Variants in PPM1K observed in about 807,000 individuals in gnomAD.
The protein encoded by PPM1K is protein phosphatase Mn(2+)-dependent 1K.
PPM1K carries 19 observed loss-of-function variants against 32.6 expected under a neutral mutation model. The observed-to-expected ratio is 0.58, with a 90% CI of 0.41 to 0.86. The LOEUF (loss-of-function observed/expected upper bound fraction) is 0.86, where lower values mean the gene tolerates loss of function less well. PPM1K is among the 40% of genes least tolerant of loss of function. The pLI, the probability that PPM1K is intolerant of heterozygous loss-of-function variation, is 0.00. For missense variants in PPM1K, 362 were observed against 461.2 expected, an observed-to-expected ratio of 0.78 and a Z score of 1.97; for synonymous variants, 159 against 165.3, an observed-to-expected ratio of 0.96 and a Z score of 0.29.
intron 5 of PPM1K, among the ~76,000 whole-genome samples, chr4:88,265,988 C>T (rs770298003): frequency 4.6e-5 from 7 of 152,108 alleles, no homozygotes; most frequent in Non-Finnish European, 8.8e-5. Context: ...CCTCTGTATG[C>T]TTTAGATTTT....
chr4:88,262,751 A>G, intron 6 of PPM1K, 25 bp from the exon 7 acceptor site: 3 of 1,585,264 alleles, frequency 1.9e-6, no homozygotes, highest in Non-Finnish European at 2.6e-6. Flanking sequence ...AGGAAGAAAG[A>G]GAAAAACATT....
chr4:88,264,935 C>T, intron 6 of PPM1K, 66 bp downstream of exon 6: 2 of 1,510,552 alleles, frequency 1.3e-6, no homozygotes, highest in African/African-American at 2.8e-5. Context: ...AAAGCTAAAA[C>T]ACAATGCCTG....
At position 88,265,109 on chromosome 4, in the gene PPM1K, C is replaced by G. The variant is rs553487139; in HGVS notation, c.879G>C (p.Leu293=). The change falls in exon 6 of 7, where the codon CTG becomes CTC. Residue 293 remains leucine (L), a synonymous_variant. Coordinates refer to ENST00000608933, the MANE Select transcript of PPM1K (RefSeq NM_152542.5). ...AGTTAATTCCATCTGTGGTGAGGAC[C>G]AGGAAGCTGTCATCAGCATGATGTA... ...IKLHHADDSF[L]VLTTDGINFM... 6.2e-7 allele frequency: 1 copy of G among 1,614,112 alleles called. No homozygotes were observed. The highest frequency in any genetic ancestry group is 8.5e-7 in the Non-Finnish European group (1 of 1,180,000).
intron 3 of PPM1K, chr4:88,275,782 A>G: frequency 1.0e-6 from 1 of 985,358 alleles, no homozygotes; most frequent in Non-Finnish European, 1.2e-6. Context: ...TAAAACCATA[A>G]GAAAATATTT....
intron 5 of PPM1K, among the ~76,000 whole-genome samples, chr4:88,267,890 C>T (rs562918314): frequency 1.3e-5 from 2 of 152,134 alleles, no homozygotes; most frequent in African/African-American, 4.8e-5. Context: ...GGGTTCAGCA[C>T]GTGCAAATGT....
Position 88,278,821 on chromosome 4 carries a change from T to C in PPM1K, c.-59-179A>G, listed in dbSNP as rs1255780743. Reference sequence around the variant, plus strand: ...ACAGAAAATACATATATTTATGTTATATATTGGGTAGGCATCCAGTAGCCT... The same window carrying C: ...ACAGAAAATACATATATTTATGTTACATATTGGGTAGGCATCCAGTAGCCT... On this transcript the variant is annotated intron_variant, in intron 1 of 6. Coordinates refer to ENST00000608933, the MANE Select transcript of PPM1K (RefSeq NM_152542.5). This position sits in a 1 kb window ranked among gnomAD's most constrained non-coding sequence, Gnocchi z 4.2. The C allele has an allele frequency of 1.0e-5, 5 of 480,320 alleles. No homozygotes were observed. Among genetic ancestry groups the C allele is most frequent in the Non-Finnish European group, 1.8e-5 (5 of 270,276 alleles). 29.8% of individuals were successfully genotyped at this position (480,320 alleles called of 1,614,324 possible). A position where few individuals can be genotyped will look rare whatever the true frequency, so the allele number is the denominator to read the frequency against.
rs1731442831 is a variant in PPM1K, at chr4:88,268,847, G to C, written c.601C>G (p.Leu201Val). 1.2e-6 allele frequency: 2 copies of C among 1,613,836 alleles called. No individual in the cohort carries two copies. The highest frequency in any genetic ancestry group is 1.7e-6 in the Non-Finnish European group (2 of 1,179,948). Residue 201 changes from leucine to valine, a missense_variant, in exon 4 of 7, where the codon CTG becomes GTG. Physicochemically the swap from Leu to Val is conservative, Grantham distance 32. Coordinates refer to ENST00000608933, the MANE Select transcript of PPM1K (RefSeq NM_152542.5). ...TVALLRDGIE[L>V]VVASVGDSRA... is the part of the protein sequence containing the mutation. ...CTGTCCCCAACACTGGCTACAACCA[G>C]TTCAATACCATCTCGCAATAGGGCT...
intron 6 of PPM1K, among the ~76,000 whole-genome samples, chr4:88,263,734 C>A (rs923666586): frequency 2.0e-4 from 30 of 152,170 alleles, no homozygotes; most frequent in Admixed American, 2.0e-3. Context: ...GTCTAAGCCA[C>A]CAAACCTGGC....
chr4:88,268,741 C>T lies in PPM1K; in HGVS notation c.707G>A (p.Arg236Lys). The change falls in exon 4 of 7, where the codon AGG (arginine) becomes AAG (lysine). Residue 236 changes from arginine to lysine, a missense_variant and splice_region_variant. Arg to Lys is a conservative substitution (Grantham distance 26). Transcript: ENST00000608933. ...HTPERKDEKE[R>K]IKKCGGFVAW... ...TATGATGGATCAGTGGTGGTAGTAC[C>T]TTTCTTTTTCATCTTTTCTTTCTGG... 5 of 1,613,494 alleles carry T rather than the reference C, an allele frequency of 3.1e-6. No homozygotes were observed. The highest frequency in any genetic ancestry group is 4.2e-6 in the Non-Finnish European group (5 of 1,179,626).
intron 6 of PPM1K, among the ~76,000 whole-genome samples, chr4:88,263,848 A>G (rs1731213904): frequency 6.6e-6 from 1 of 152,176 alleles, no homozygotes; most frequent in African/African-American, 2.4e-5. Flanking sequence ...TATTCCTAAG[A>G]ATGAAACCTA....
chr4:88,269,994 C>A (rs369159343), intron 3 of PPM1K, among the ~76,000 whole-genome samples: 2 of 152,110 alleles, frequency 1.3e-5, no homozygotes, highest in Admixed American at 6.5e-5. Context: ...TGGAAGAAAT[C>A]GGAAAAGATA....
chr4:88,265,227 G>A (rs1424608683), intron 5 of PPM1K, 92 bp from the exon 6 acceptor site: 19 of 1,456,888 alleles, frequency 1.3e-5, no homozygotes, highest in South Asian at 3.7e-5. Flanking sequence ...TTTGCTAAGC[G>A]GTCATCTGTG....
intron 6 of PPM1K, among the ~76,000 whole-genome samples, chr4:88,264,590 G>A (rs1000199434): frequency 6.6e-6 from 1 of 152,176 alleles, no homozygotes; most frequent in African/African-American, 2.4e-5. Context: ...TAACTCTGTA[G>A]CCTCTGTACC....
At chr4:88,271,663 A>C (rs1303784150) in intron 3 of PPM1K, among the ~76,000 whole-genome samples, 2 of 152,186 alleles carry the variant, frequency 1.3e-5, no homozygotes, top group African/African-American at 4.8e-5. Flanking sequence ...GCAATATCAG[A>C]ATTGTCTCAA....
At chr4:88,268,537 T>C (rs754223841) in intron 4 of PPM1K, among the ~76,000 whole-genome samples, 6 of 152,144 alleles carry the variant, frequency 3.9e-5, no homozygotes, top group East Asian at 1.9e-4. Flanking sequence ...AGGAGAATGG[T>C]GTGAACCCGG....
At chr4:88,277,600 G>A (rs1731834308) in intron 2 of PPM1K, 4 of 211,098 alleles carry the variant, frequency 1.9e-5, no homozygotes, top group Admixed American at 1.1e-4. Context: ...TCACATGGTC[G>A]TAACTCCATC....
rs568913634 is a variant in PPM1K, at chr4:88,277,947, T to C, written c.440+197A>G. ...TTGGTTAATGCTTTCCCCAGGGGAG[T>C]TGTTAAAACATGCATTTCTGAAATT... On this transcript the variant is annotated intron_variant, in intron 2 of 6. Transcript: ENST00000608933. 7 of 598,200 alleles carry C rather than the reference T, an allele frequency of 1.2e-5. No homozygotes were observed. The South Asian group carries it at 1.2e-4, about 11-fold the overall frequency. 37.1% of individuals were successfully genotyped at this position (598,200 alleles called of 1,614,324 possible).
At chr4:88,281,021 G>A (rs1270782201) in intron 1 of PPM1K, among the ~76,000 whole-genome samples, 1 of 152,040 alleles carries the variant, frequency 6.6e-6, no homozygotes, top group East Asian at 1.9e-4. Context: ...AATTATAGGT[G>A]ATGAATTGAG....
intron 3 of PPM1K, among the ~76,000 whole-genome samples, chr4:88,271,683 G>T (rs1056702128): frequency 1.9e-4 from 29 of 152,194 alleles, no homozygotes; most frequent in African/African-American, 6.5e-4. Context: ...AGAATAGAAA[G>T]GTAAATCTAC....
Sources: allele counts gnomAD v4.1 joint callset (sites outside exome capture counted in the v4.1 genomes callset), GRCh38; gene constraint gnomAD v4.1.1; non-coding constraint Gnocchi (gnomAD v3.1); transcripts MANE v1.5; gene names NCBI Gene and HGNC (gene_info 2026-07-23, HGNC 2026-07-21).